Variants in CYP24A1 observed in about 807,000 individuals in gnomAD.
The protein encoded by CYP24A1 is 1,25-dihydroxyvitamin D(3) 24-hydroxylase, mitochondrial.
CYP24A1 carries 68 observed loss-of-function variants against 62.4 expected under a neutral mutation model. That is an observed-to-expected ratio of 1.09 (90% CI 0.90 to 1.33). The LOEUF is 1.33. Among genes scored for constraint, CYP24A1 ranks in the 40% most tolerant of loss-of-function variants. The probability of loss-of-function intolerance (pLI) is 0.00; values close to 1 mark genes in which losing one functional copy is unlikely to be tolerated. For missense variants in CYP24A1, 787 were observed against 653.0 expected, an observed-to-expected ratio of 1.21 and a Z score of -2.24; for synonymous variants, 267 against 253.0, an observed-to-expected ratio of 1.06 and a Z score of -0.52.
chr20:54,170,278 A>G lies in CYP24A1; in HGVS notation c.544-590T>C, dbSNP rs140501657. On this transcript the variant is annotated intron_variant, in intron 3 of 11. Transcript: ENST00000216862. ...GAGTTTTCAATAACTAATGCCTCAC[A>G]TTTAATGAGGTCCATATGGTACCAA... 2.0e-3 allele frequency among the ~76,000 whole-genome samples: 299 copies of G among 152,338 alleles called. 1 individual carries two copies. The highest frequency in any genetic ancestry group is 6.9e-3 in the African/African-American group (285 of 41,580).
intron 10 of CYP24A1, 23 bp downstream of exon 10, chr20:54,157,365 G>A (rs1343216243): frequency 6.5e-7 from 1 of 1,529,962 alleles, no homozygotes; most frequent in Admixed American, 1.7e-5. Context: ...GAACATAATT[G>A]CAGAAACCGG....
At chr20:54,162,558 C>T (rs946691973) in intron 7 of CYP24A1, 159 bp downstream of exon 7, 21 of 666,150 alleles carry the variant, frequency 3.2e-5, no homozygotes, top group Non-Finnish European at 4.4e-5. Context: ...ATGCTGTGCG[C>T]GGAGGCACCG....
chr20:54,165,237 C>T (rs1024233087), intron 5 of CYP24A1, among the ~76,000 whole-genome samples: 3 of 152,264 alleles, frequency 2.0e-5, no homozygotes, highest in Non-Finnish European at 4.4e-5. Context: ...AGATCAATGG[C>T]TGCATTAGAT....
Position 54,173,692 on chromosome 20 carries a change from G to A in CYP24A1, c.-113C>T, listed in dbSNP as rs1434947604. ...CGATTCTGGGAAAAGGAAGCAAAGA[G>A]GGCCAGCTGGTGTGATGGAGCGGGG... On this transcript the variant is annotated 5_prime_UTR_variant, in exon 1 of 12. Transcript: ENST00000216862. The surrounding 1 kb of genome is among the most constrained non-coding windows in gnomAD (Gnocchi z 7.2). 5 of 713,976 alleles carry A rather than the reference G, an allele frequency of 7.0e-6. No individual in the cohort carries two copies. Among genetic ancestry groups the A allele is most frequent in the African/African-American group, 1.8e-5 (1 of 56,622 alleles). 44.2% of individuals were successfully genotyped at this position (713,976 alleles called of 1,614,324 possible).
chr20:54,165,644 G>A (rs375410821), intron 5 of CYP24A1, 98 bp downstream of exon 5: 12 of 794,152 alleles, frequency 1.5e-5, no homozygotes, highest in Non-Finnish European at 2.7e-5. Context: ...AATAAAATAT[G>A]TGTGTATGCC....
At chr20:54,164,699 T>C in intron 5 of CYP24A1, 136 bp from the exon 6 acceptor site, 2 of 1,528,224 alleles carry the variant, frequency 1.3e-6, no homozygotes, top group East Asian at 2.4e-5. Flanking sequence ...CACCCCCGGC[T>C]CTCTCTGCAC....
In CYP24A1 at chr20:54,173,416, G is replaced by T; in HGVS notation, c.164C>A (p.Ala55Glu). ...GCTGGTGGGGCCCGGCAGGGCGGCC[G>T]CGTTCTGAGTCTCGCCACCAGCTGT... The part of the protein sequence containing the change: ...PLTAGGETQN[A>E]AALPGPTSWP... Residue 55 changes from alanine (A) to glutamate (E), a missense_variant, in exon 1 of 12, where the codon GCG becomes GAG. Transcript: ENST00000216862. This position sits in a 1 kb window ranked among gnomAD's most constrained non-coding sequence, Gnocchi z 7.2. 1 of 1,573,774 alleles carries T rather than the reference G, an allele frequency of 6.4e-7. No homozygotes were observed. Among genetic ancestry groups the T allele is most frequent in the Non-Finnish European group, 8.6e-7 (1 of 1,158,462 alleles).
chr20:54,160,670 A>G (rs1376858937), intron 7 of CYP24A1, among the ~76,000 whole-genome samples: 1 of 152,252 alleles, frequency 6.6e-6, no homozygotes, highest in Non-Finnish European at 1.5e-5. Flanking sequence ...TACACTTTCA[A>G]ATGGTTCTGA....
intron 2 of CYP24A1, 76 bp downstream of exon 2, chr20:54,172,833 G>A (rs763847818): frequency 1.2e-5 from 20 of 1,606,462 alleles, no homozygotes; most frequent in Admixed American, 8.4e-5. Flanking sequence ...CTCTAACTCC[G>A]CCTCTTCACA....
intron 4 of CYP24A1, among the ~76,000 whole-genome samples, chr20:54,167,782 T>TA (rs201216110): frequency 0.37 from 56,093 of 151,784 alleles, 11,605 homozygotes; most frequent in African/African-American, 0.56. Flanking sequence ...AATAAGTAAT[T>TA]AAAAAAAGTT....
chr20:54,164,690 A>T, intron 5 of CYP24A1, 127 bp from the exon 6 acceptor site: 2 of 1,546,504 alleles, frequency 1.3e-6, no homozygotes, highest in Non-Finnish European at 1.7e-6. Flanking sequence ...TTACAAGGAC[A>T]CCCCCGGCTC....
intron 4 of CYP24A1, among the ~76,000 whole-genome samples, chr20:54,168,104 A>G (rs1240576945): frequency 6.6e-6 from 1 of 151,114 alleles, no homozygotes; most frequent in African/African-American, 2.4e-5. Context: ...GTGAACTCCT[A>G]CTCAACCATC....
chr20:54,158,089 T>A lies in CYP24A1; in HGVS notation c.1233A>T (p.Lys411Asn). 1 of 1,613,814 alleles carries A rather than the reference T, an allele frequency of 6.2e-7. No individual in the cohort carries two copies. ...ATVLGEYALP[K>N]GTVLMLNTQV... ...AGAATATACAAATTCTACTTACTCC[T>A]TTGGGTAAAGCATATTCACCCAGAA... Residue 411 changes from lysine (K) to asparagine (N), a missense_variant, in exon 9 of 12, where the codon AAA becomes AAT. Physicochemically the swap from Lys to Asn is moderately conservative, Grantham distance 94. Coordinates refer to ENST00000216862, the MANE Select transcript of CYP24A1 (RefSeq NM_000782.5).
chr20:54,152,911 C>A (rs1183402705), downstream of CYP24A1, among the ~76,000 whole-genome samples: 1 of 152,198 alleles, frequency 6.6e-6, no homozygotes, highest in Non-Finnish European at 1.5e-5. Context: ...GGAGCTCCTG[C>A]AGAGACTAGA....
the CYP24A1 span, among the ~76,000 whole-genome samples, chr20:54,144,835 G>A: frequency 6.6e-6 from 1 of 151,796 alleles, no homozygotes; most frequent in Admixed American, 6.6e-5. Context: ...TTTGAAAATA[G>A]GAAAAGAAGG....
chr20:54,162,552 T>C lies in CYP24A1; in HGVS notation c.990+165A>G, dbSNP rs1184108433. ...CGCTGAGGCACCGTGGCATAGATGC[T>C]GTGCGCGGAGGCACCGTGGCATCTA... On this transcript the variant is annotated intron_variant, in intron 7 of 11. Transcript: ENST00000216862. 5.0e-5 allele frequency: 32 copies of C among 645,664 alleles called. No individual in the cohort carries two copies. The African/African-American group carries it at 5.1e-4, about 10-fold the overall frequency. 40.0% of individuals were successfully genotyped at this position (645,664 alleles called of 1,614,324 possible).
At chr20:54,144,689 A>C in the CYP24A1 span, among the ~76,000 whole-genome samples, 3 of 149,374 alleles carry the variant, frequency 2.0e-5, no homozygotes, top group African/African-American at 7.3e-5. Context: ...AATTAATTAT[A>C]GTATATATTA....
Position 54,165,838 on chromosome 20 carries a change from C to A in CYP24A1, c.641-5G>T. 1 of 1,267,110 alleles carries A rather than the reference C, an allele frequency of 7.9e-7. No individual in the cohort carries two copies. The highest frequency in any genetic ancestry group is 1.2e-6 in the Non-Finnish European group (1 of 862,816). The allele number at this position is 1,267,110 out of a possible 1,614,324, so 78.5% of individuals were successfully genotyped here. ...CATACAACACGAGGCAGATACCTGT[C>A]ATTTAAAATAATCATCACTTTACAC... On this transcript the variant is annotated splice_region_variant and splice_polypyrimidine_tract_variant and intron_variant, in intron 4 of 11. Coordinates refer to ENST00000216862, the MANE Select transcript of CYP24A1 (RefSeq NM_000782.5).
At chr20:54,157,118 C>G in intron 11 of CYP24A1, 51 bp downstream of exon 11, 1 of 895,842 alleles carries the variant, frequency 1.1e-6, no homozygotes, top group Non-Finnish European at 1.8e-6. Flanking sequence ...TAGCTCATCC[C>G]TCGTCATTCT....
Sources: allele counts gnomAD v4.1 joint callset (sites outside exome capture counted in the v4.1 genomes callset), GRCh38; gene constraint gnomAD v4.1.1; non-coding constraint Gnocchi (gnomAD v3.1); transcripts MANE v1.5; gene names NCBI Gene and HGNC (gene_info 2026-07-23, HGNC 2026-07-21).